Variants in POTEE observed in about 807,000 individuals in gnomAD.
The protein encoded by POTEE is ANKRD26-like family C member 1A.
In POTEE, 21 loss-of-function variants were observed where a neutral mutation model predicts 74.2. The observed-to-expected ratio is 0.28, with a 90% confidence interval of 0.20 to 0.41. The LOEUF (loss-of-function observed/expected upper bound fraction) is 0.41. POTEE is among the 10% of genes least tolerant of loss of function. The pLI, the probability that POTEE is intolerant of heterozygous loss-of-function variation, is 1.00. For synonymous variants in POTEE, 211 were observed against 432.8 expected (o/e 0.49, Z 6.36); for missense variants, 525 against 1,158.6 (o/e 0.45, Z 7.94).
intron 8 of POTEE, among the ~76,000 whole-genome samples, 184 bp downstream of exon 8, chr2:131,228,565 TGGGTGC>T (rs1700852361): frequency 6.7e-6 from 1 of 148,578 alleles, no homozygotes; most frequent in Admixed American, 6.6e-5. Context: ...GAAGTACCAA[TGGGTGC>T]GGGATTCTTT....
intron 2 of POTEE, among the ~76,000 whole-genome samples, chr2:131,215,954 A>C (rs1011702826): frequency 6.6e-6 from 1 of 150,552 alleles, no homozygotes; most frequent in Non-Finnish European, 1.5e-5. Flanking sequence ...TGTGTTTTAG[A>C]CTCCACAAAA....
Position 131,230,590 on chromosome 2 carries a change from A to C in POTEE, c.1056-246A>C, listed in dbSNP as rs953587187. 2.5e-4 allele frequency among the ~76,000 whole-genome samples: 38 copies of C among 152,262 alleles called. 1 individual carries two copies. The East Asian group carries it at 4.1e-3, about 16-fold the overall frequency. ...GGGACACTTTCTATTATGTCATGCT[A>C]ATGCTAGCTAATTTACTGGGTCACA... On this transcript the variant is annotated intron_variant, in intron 8 of 17. Transcript: ENST00000683005.
chr2:131,228,180 G>T, intron 7 of POTEE, 64 bp from the exon 8 acceptor site: 7 of 1,570,842 alleles, frequency 4.5e-6, no homozygotes, highest in Non-Finnish European at 6.1e-6. Flanking sequence ...ATGTTACATT[G>T]GTAAAGTATA....
At chr2:131,238,155 C>G in intron 10 of POTEE, 39 bp from the exon 11 acceptor site, 1 of 1,598,998 alleles carries the variant, frequency 6.3e-7, no homozygotes, top group Non-Finnish European at 8.5e-7. Context: ...ATCACAGAAA[C>G]ACAACAAGCA....
intron 4 of POTEE, among the ~76,000 whole-genome samples, chr2:131,222,406 T>TA (rs1405458980): frequency 6.6e-6 from 1 of 151,696 alleles, no homozygotes; most frequent in Non-Finnish European, 1.5e-5. Flanking sequence ...TGGGGCCTAT[T>TA]ACAGGGTGAA....
intron 12 of POTEE, among the ~76,000 whole-genome samples, chr2:131,245,165 T>C (rs4850150): frequency 0.095 from 9,258 of 97,888 alleles, 80 homozygotes; most frequent in African/African-American, 0.18. Context: ...GTCAGGCTAA[T>C]GCAAGTTAAT....
intron 2 of POTEE, among the ~76,000 whole-genome samples, chr2:131,212,955 T>C (rs1157255191): frequency 6.7e-6 from 1 of 149,512 alleles, no homozygotes; most frequent in African/African-American, 2.5e-5. Context: ...GTCGGGAGAA[T>C]TGTGTGTAAT....
chr2:131,212,318 T>A (rs903891962), intron 2 of POTEE, among the ~76,000 whole-genome samples: 4 of 151,304 alleles, frequency 2.6e-5, no homozygotes, highest in Admixed American at 6.6e-5. Flanking sequence ...CATTAGAAGG[T>A]TTGATTTTTC....
chr2:131,218,129 T>C, intron 3 of POTEE, 181 bp from the exon 4 acceptor site: 1 of 587,058 alleles, frequency 1.7e-6, no homozygotes, highest in African/African-American at 2.2e-5. Context: ...GGTGTTTTCT[T>C]GGGGGCGGGG....
At chr2:131,220,418 C>T (rs62177517) in intron 4 of POTEE, among the ~76,000 whole-genome samples, 1 of 151,944 alleles carries the variant, frequency 6.6e-6, no homozygotes, top group Non-Finnish European at 1.5e-5. Flanking sequence ...CTTGGCCAGG[C>T]AGGTCTTGAA....
rs1374087846 is a variant in POTEE at position 131,248,972 on chromosome 2, G to GA, written c.1481-1802dup. 1.1e-4 allele frequency among the ~76,000 whole-genome samples: 16 copies of GA among 151,886 alleles called. No homozygotes were observed. The East Asian group carries it at 3.1e-3, about 30-fold the overall frequency. On this transcript the variant is annotated intron_variant, in intron 13 of 17. Transcript: ENST00000683005. Reference sequence around the variant, plus strand: ...CAGAATCTTTTTAGCAGGACATAATGAAAAGAAGTAAGAGAAAGAGTGTTT... The same window carrying GA: ...CAGAATCTTTTTAGCAGGACATAATGAAAAAGAAGTAAGAGAAAGAGTGTTT...
In POTEE at chr2:131,230,853, C is replaced by G. The variant is rs534056516; in HGVS notation, c.1073C>G (p.Ser358Cys). Reference protein sequence around the residue: ...SHHHVICQLLSDYKEKQMLKI... With the variant: ...SHHHVICQLLCDYKEKQMLKI... ...ATACATAGAATTTGCCAGTTACTTT[C>G]TGACTACAAAGAAAAACAGATGCTA... Residue 358 changes from serine to cysteine, a missense_variant, in exon 9 of 18, where the codon TCT becomes TGT. Transcript: ENST00000683005. 1 of 1,364,598 alleles carries G rather than the reference C, an allele frequency of 7.3e-7. No individual in the cohort carries two copies. Among genetic ancestry groups the G allele is most frequent in the East Asian group, 2.5e-5 (1 of 40,386 alleles). The allele number at this position is 1,364,598 out of a possible 1,614,324, so 84.5% of individuals were successfully genotyped here.
chr2:131,217,754 CCGCACGCCGCACG>C (rs138470843), intron 3 of POTEE, among the ~76,000 whole-genome samples, 71 bp downstream of exon 3: 112,319 of 146,490 alleles, frequency 0.77, 44,405 homozygotes, highest in Non-Finnish European at 0.86. Flanking sequence ...ACGCCGCACG[CCGCACGCCGCACG>C]CGCACGCCGC....
At chr2:131,210,104 C>T (rs1339198716) in intron 1 of POTEE, among the ~76,000 whole-genome samples, 1 of 143,510 alleles carries the variant, frequency 7.0e-6, no homozygotes, top group Non-Finnish European at 1.5e-5. Context: ...CTGCCCGGGG[C>T]AGGGAGTGGT....
chr2:131,229,772 A>T (rs1267832599), intron 8 of POTEE: 1 of 152,194 alleles, frequency 6.6e-6, no homozygotes, highest in Non-Finnish European at 1.5e-5. Flanking sequence ...AATAGTGTGA[A>T]TCAAAGCAAA....
chr2:131,260,211 T>C (rs1436482687), intron 16 of POTEE, among the ~76,000 whole-genome samples: 1 of 150,018 alleles, frequency 6.7e-6, no homozygotes, highest in Non-Finnish European at 1.5e-5. Context: ...CTGTTTCTGT[T>C]ACTGTGGTCT....
At chr2:131,260,517 A>G (rs1442699612) in intron 16 of POTEE, among the ~76,000 whole-genome samples, 4 of 146,168 alleles carry the variant, frequency 2.7e-5, no homozygotes, top group Non-Finnish European at 5.9e-5. Context: ...TTATCTTTAT[A>G]TAGATCACTC....
chr2:131,230,498 C>T (rs1211357018), intron 8 of POTEE, among the ~76,000 whole-genome samples: 1 of 152,050 alleles, frequency 6.6e-6, no homozygotes, highest in Non-Finnish European at 1.5e-5. Flanking sequence ...AGACATTGAG[C>T]CTAAGAGAAG....
At chr2:131,210,000 T>C (rs1437466651) in intron 1 of POTEE, among the ~76,000 whole-genome samples, 181 bp downstream of exon 1, 21 of 34,420 alleles carry the variant, frequency 6.1e-4, no homozygotes, top group African/African-American at 2.0e-3. Flanking sequence ...ACACTGCCCG[T>C]GGTGGCGGGG....
Sources: allele counts gnomAD v4.1 joint callset (sites outside exome capture counted in the v4.1 genomes callset), GRCh38; gene constraint gnomAD v4.1.1; transcripts MANE v1.5; gene names NCBI Gene and HGNC (gene_info 2026-07-23, HGNC 2026-07-21).